Variants in BCAT1 observed in about 807,000 individuals in gnomAD.
The protein encoded by BCAT1 is branched-chain-amino-acid aminotransferase, cytosolic.
A neutral mutation model predicts 52.4 loss-of-function variants in BCAT1; 48 were observed. The observed-to-expected ratio is 0.92, with a 90% CI of 0.73 to 1.16. BCAT1 has a LOEUF of 1.16. BCAT1 is among the 50% of genes most tolerant of loss of function. The probability of loss-of-function intolerance (pLI) is 0.00; values close to 1 mark genes in which losing one functional copy is unlikely to be tolerated. For synonymous variants in BCAT1, 167 were observed against 161.3 expected (o/e 1.04, Z -0.27); for missense variants, 451 against 457.1 (o/e 0.99, Z 0.12).
chr12:24,821,945 C>T (rs966668261), intron 10 of BCAT1, among the ~76,000 whole-genome samples: 2 of 152,098 alleles, frequency 1.3e-5, no homozygotes, highest in Admixed American at 1.3e-4. Context: ...TCCAGGTGAG[C>T]AATTTCTAGA....
At chr12:24,836,132 G>A (rs1247015895) in intron 8 of BCAT1, among the ~76,000 whole-genome samples, 3 of 152,116 alleles carry the variant, frequency 2.0e-5, no homozygotes, top group African/African-American at 7.2e-5. Flanking sequence ...TATAAATAAA[G>A]GAAAGGAAGA....
intron 1 of BCAT1, among the ~76,000 whole-genome samples, chr12:24,914,342 C>T (rs552160537): frequency 6.8e-4 from 103 of 152,254 alleles, no homozygotes; most frequent in African/African-American, 2.3e-3. Context: ...CTCAGCCTCC[C>T]AAAGTGCTGA....
intron 2 of BCAT1, among the ~76,000 whole-genome samples, chr12:24,895,139 C>G (rs11047693): frequency 0.18 from 27,529 of 152,168 alleles, 2,767 homozygotes; most frequent in Middle Eastern, 0.29. Context: ...AACAACTCCC[C>G]ACAAGCAGCA....
intron 2 of BCAT1, among the ~76,000 whole-genome samples, chr12:24,900,240 G>C (rs1943062926): frequency 1.3e-5 from 2 of 152,026 alleles, no homozygotes; most frequent in Non-Finnish European, 2.9e-5. Context: ...GTGTAAACAG[G>C]CAATTCCCCT....
intron 1 of BCAT1, among the ~76,000 whole-genome samples, chr12:24,917,327 C>T (rs1314194369): frequency 2.6e-5 from 4 of 151,946 alleles, no homozygotes; most frequent in South Asian, 4.1e-4. Context: ...TACAGGCGCC[C>T]GCCACCACGC....
chr12:24,947,907 A>C (rs546224473), intron 1 of BCAT1, among the ~76,000 whole-genome samples: 82 of 152,372 alleles, frequency 5.4e-4, no homozygotes, highest in African/African-American at 1.9e-3. Flanking sequence ...TGTTGAATAC[A>C]AAAACGCATA....
chr12:24,924,291 G>T (rs923494684), intron 1 of BCAT1, among the ~76,000 whole-genome samples: 2 of 152,320 alleles, frequency 1.3e-5, no homozygotes, highest in East Asian at 1.9e-4. Flanking sequence ...TCAATGCCAA[G>T]AATGATATAA....
intron 5 of BCAT1, among the ~76,000 whole-genome samples, chr12:24,860,622 T>C (rs1278187655): frequency 6.6e-6 from 1 of 152,224 alleles, no homozygotes; most frequent in Non-Finnish European, 1.5e-5. Context: ...GGGCTTTGAC[T>C]GGAATGGCAT....
At chr12:24,839,266 T>C (rs1360601427) in intron 7 of BCAT1, among the ~76,000 whole-genome samples, 5 of 152,150 alleles carry the variant, frequency 3.3e-5, no homozygotes, top group African/African-American at 4.8e-5. Flanking sequence ...TAAGCAAAGA[T>C]TTGGAGGATG....
chr12:24,890,673 T>C (rs1262924196), intron 3 of BCAT1, among the ~76,000 whole-genome samples: 1 of 152,160 alleles, frequency 6.6e-6, no homozygotes, highest in East Asian at 1.9e-4. Flanking sequence ...GAACCCTCAG[T>C]TCCAGGAATT....
chr12:24,921,739 TGGTACC>T (rs1943502847), intron 1 of BCAT1, among the ~76,000 whole-genome samples: 1 of 152,194 alleles, frequency 6.6e-6, no homozygotes, highest in Admixed American at 6.5e-5. Flanking sequence ...TAAGATGGGT[TGGTACC>T]TTTTGTTTTA....
At chr12:24,936,975 T>C (rs1943767446) in intron 1 of BCAT1, among the ~76,000 whole-genome samples, 2 of 152,156 alleles carry the variant, frequency 1.3e-5, no homozygotes, top group African/African-American at 4.8e-5. Flanking sequence ...TTGGGGGCTA[T>C]GACTCAGCCT....
intron 10 of BCAT1, 38 bp from the exon 11 acceptor site, chr12:24,818,087 G>A (rs907814394): frequency 1.2e-6 from 2 of 1,605,348 alleles, no homozygotes; most frequent in Admixed American, 1.7e-5. Context: ...CAGTACAGAA[G>A]CTAACAGGGC....
Position 24,944,529 on chromosome 12 carries a change from C to T in BCAT1, c.6+4398G>A, listed in dbSNP as rs144626817. Among the ~76,000 whole-genome samples the T allele has an allele frequency of 3.0e-4, 46 of 152,324 alleles. No homozygotes were observed. In the East Asian group the frequency reaches 8.1e-3, roughly 27 times the overall value. Reference sequence around the variant, plus strand: ...CCAACAGGTGCTCCTTCCGTCTCAACTTCTATGGAGTCAAATAGAATTTGA... The same window carrying T: ...CCAACAGGTGCTCCTTCCGTCTCAATTTCTATGGAGTCAAATAGAATTTGA... On this transcript the variant is annotated intron_variant, in intron 1 of 10. Transcript: ENST00000261192.
At chr12:24,933,656 T>A (rs1371349824) in intron 1 of BCAT1, among the ~76,000 whole-genome samples, 2 of 151,998 alleles carry the variant, frequency 1.3e-5, no homozygotes, top group African/African-American at 4.8e-5. Context: ...TTTTCTGGGG[T>A]ATATACCCCA....
At chr12:24,898,540 TTTTTTTG>T in intron 2 of BCAT1, among the ~76,000 whole-genome samples, 1 of 139,194 alleles carries the variant, frequency 7.2e-6, no homozygotes, top group Non-Finnish European at 1.6e-5. Context: ...TTTTTTTTTT[TTTTTTTG>T]CTCTGTTGCC....
chr12:24,841,929 C>A (rs762246812), intron 7 of BCAT1, among the ~76,000 whole-genome samples, 153 bp downstream of exon 7: 41 of 152,160 alleles, frequency 2.7e-4, no homozygotes, highest in Non-Finnish European at 5.4e-4. Flanking sequence ...AAAAAAGAAA[C>A]TTGTGTCTAT....
intron 4 of BCAT1, among the ~76,000 whole-genome samples, chr12:24,880,665 CCAT>C (rs1469563809): frequency 2.0e-5 from 3 of 152,126 alleles, no homozygotes; most frequent in African/African-American, 7.2e-5. Context: ...GTGCTGCACA[CCAT>C]ATTTTCCATT....
chr12:24,886,021 T>G (rs1441004779), intron 3 of BCAT1, among the ~76,000 whole-genome samples: 3 of 152,142 alleles, frequency 2.0e-5, no homozygotes, highest in Non-Finnish European at 4.4e-5. Context: ...TTAAACATAT[T>G]TCTTGTCATC....
Sources: allele counts gnomAD v4.1 joint callset (sites outside exome capture counted in the v4.1 genomes callset), GRCh38; gene constraint gnomAD v4.1.1; transcripts MANE v1.5; gene names NCBI Gene and HGNC (gene_info 2026-07-23, HGNC 2026-07-21).